CEACAM8: variants seen among roughly 807,000 people sequenced by gnomAD.
CEACAM8 encodes cell adhesion molecule CEACAM8.
CEACAM8 carries 31 observed loss-of-function variants against 33.4 expected under a neutral mutation model. That is an observed-to-expected ratio of 0.93 (90% CI 0.70 to 1.25). CEACAM8 has a LOEUF of 1.25. Ranked by LOEUF, CEACAM8 falls within the 50% of genes most tolerant of loss-of-function variation. CEACAM8 has a pLI of 0.00. For missense variants in CEACAM8, 388 were observed against 434.6 expected (o/e 0.89, Z 0.95); for synonymous variants, 138 against 164.5 (o/e 0.84, Z 1.23).
In CEACAM8 at chr19:42,588,938, C is replaced by T. The variant is rs759403051; in HGVS notation, c.804G>A (p.Gln268=). 12 of 1,614,022 alleles carry T rather than the reference C, an allele frequency of 7.4e-6. No homozygotes were observed. The Admixed American group carries it at 1.8e-4, about 25-fold the overall frequency. The part of the protein sequence containing the change: ...SCHAASNPPS[Q]YSWSVNGTFQ... ...ATGTGCCATTGACAGACCAAGAATA[C>T]TGTGAGGGTGGATTAGAGGCCGCAT... Residue 268 remains glutamine, a synonymous_variant, in exon 4 of 6, where the codon CAG becomes CAA. Transcript: ENST00000244336.
chr19:42,590,923 G>C (rs1423594226), intron 2 of CEACAM8, among the ~76,000 whole-genome samples: 1 of 152,132 alleles, frequency 6.6e-6, no homozygotes, highest in East Asian at 1.9e-4. Context: ...AAAGTGTTTT[G>C]AATTTCTAAC....
intron 4 of CEACAM8, among the ~76,000 whole-genome samples, chr19:42,586,073 T>C (rs2042332127): frequency 6.6e-6 from 1 of 152,110 alleles, no homozygotes; most frequent in Non-Finnish European, 1.5e-5. Flanking sequence ...TAGAAAACAT[T>C]GCTGAAGGAA....
intron 4 of CEACAM8, among the ~76,000 whole-genome samples, chr19:42,586,075 C>T (rs2042332193): frequency 6.6e-6 from 1 of 152,020 alleles, no homozygotes; most frequent in Admixed American, 6.6e-5. Context: ...GAAAACATTG[C>T]TGAAGGAAAT....
intron 2 of CEACAM8, among the ~76,000 whole-genome samples, chr19:42,592,371 G>A (rs977929866): frequency 7.2e-5 from 11 of 152,064 alleles, no homozygotes; most frequent in Non-Finnish European, 1.3e-4. Flanking sequence ...TTGGGAGGCC[G>A]AGGCAGGCGG....
chr19:42,593,913 G>C lies in CEACAM8; in HGVS notation c.65-13C>G. ...GTGAAAAGTGAGGCTAGGAGGGGGA[G>C]AGAGCATCAAGCAATATTGCAACAT... On this transcript the variant is annotated splice_polypyrimidine_tract_variant and intron_variant, in intron 1 of 5. Transcript: ENST00000244336. 1 of 1,562,644 alleles carries C rather than the reference G, an allele frequency of 6.4e-7. No individual in the cohort carries two copies. The highest frequency in any genetic ancestry group is 2.3e-5 in the East Asian group (1 of 44,348).
chr19:42,590,908 G>A (rs1157443781), intron 2 of CEACAM8, among the ~76,000 whole-genome samples: 2 of 152,138 alleles, frequency 1.3e-5, no homozygotes, highest in Admixed American at 1.3e-4. Context: ...TAAGGCTTAG[G>A]GCCAAAAGTG....
intron 4 of CEACAM8, among the ~76,000 whole-genome samples, chr19:42,583,654 A>G (rs556501317): frequency 6.6e-5 from 10 of 152,164 alleles, no homozygotes; most frequent in African/African-American, 2.2e-4. Flanking sequence ...CCACCTTTTC[A>G]TGGTTGCATC....
At chr19:42,584,966 A>C (rs1195006982) in intron 4 of CEACAM8, among the ~76,000 whole-genome samples, 1 of 152,232 alleles carries the variant, frequency 6.6e-6, no homozygotes, top group Non-Finnish European at 1.5e-5. Flanking sequence ...CTGACTAAGA[A>C]AAAAAGAGAC....
chr19:42,589,364 A>G, intron 3 of CEACAM8, 93 bp downstream of exon 3: 1 of 1,585,398 alleles, frequency 6.3e-7, no homozygotes, highest in Non-Finnish European at 8.6e-7. Flanking sequence ...GGGAATCTGC[A>G]TTTTTGGAGC....
At position 42,581,065 on chromosome 19, in the gene CEACAM8, G is replaced by T. The variant is rs2042251932; in HGVS notation, c.*329C>A. ...ACTGCACTCCAGCCTGGGCGACAGA[G>T]CGAGATTCCATCTCAAAAAAAAAAA... On this transcript the variant is annotated 3_prime_UTR_variant, in exon 6 of 6. Transcript: ENST00000244336. 7.0e-6 allele frequency: 1 copy of T among 142,928 alleles called. No individual in the cohort carries two copies. Among genetic ancestry groups the T allele is most frequent in the Non-Finnish European group, 1.5e-5 (1 of 66,612 alleles). 8.9% of individuals were successfully genotyped at this position (142,928 alleles called of 1,614,324 possible).
intron 4 of CEACAM8, among the ~76,000 whole-genome samples, chr19:42,584,710 C>T (rs555559340): frequency 2.6e-5 from 4 of 152,246 alleles, no homozygotes; most frequent in African/African-American, 7.2e-5. Flanking sequence ...GAATCTTGTG[C>T]AAGAAATTTA....
chr19:42,588,988 C>G lies in CEACAM8; in HGVS notation c.754G>C (p.Gly252Arg), dbSNP rs2042384213. The G allele has an allele frequency of 6.2e-7, 1 of 1,614,178 alleles. No homozygotes were observed. Among genetic ancestry groups the G allele is most frequent in the African/African-American group, 1.3e-5 (1 of 75,046 alleles). The change falls in exon 4 of 6, where the codon GGG (glycine) becomes CGG (arginine). Residue 252 changes from glycine (G) to arginine (R), a missense_variant. By Grantham distance (125) the Gly-to-Arg change is moderately radical. Coordinates refer to ENST00000244336, the MANE Select transcript of CEACAM8 (RefSeq NM_001816.4). ...ISPSDTYYHAGVNLNLSCHAA... is the reference protein window; with the variant it reads ...ISPSDTYYHARVNLNLSCHAA... ...TGGCAGGAGAGGTTGAGATTTACCC[C>G]TGCATGGTAATAGGTGTCTGAAGGG...
intron 1 of CEACAM8, among the ~76,000 whole-genome samples, chr19:42,594,267 G>A (rs1234693112): frequency 6.6e-6 from 1 of 152,150 alleles, no homozygotes; most frequent in Non-Finnish European, 1.5e-5. Context: ...TCACATTCTA[G>A]ATCTCTTTGT....
Position 42,593,789 on chromosome 19 carries a change from G to T in CEACAM8, c.176C>A (p.Pro59His), listed in dbSNP as rs564356781. The T allele has an allele frequency of 1.9e-5, 30 of 1,613,902 alleles. No individual in the cohort carries two copies. The highest frequency in any genetic ancestry group is 2.5e-5 in the Non-Finnish European group (29 of 1,180,018). The change falls in exon 2 of 6, where the codon CCC (proline) becomes CAC (histidine). Residue 59 changes from proline to histidine, a missense_variant. Physicochemically the swap from Pro to His is moderately conservative, Grantham distance 77. Coordinates refer to ENST00000244336, the MANE Select transcript of CEACAM8 (RefSeq NM_001816.4). Reference sequence around the variant, plus strand: ...CCAGTTGTAGCCACGAGGGTCCTGGGGCAGATTGTGGACAAGTAGAAGAAC... The same window carrying T: ...CCAGTTGTAGCCACGAGGGTCCTGGTGCAGATTGTGGACAAGTAGAAGAAC... ...KEVLLLVHNL[P>H]QDPRGYNWYK...
chr19:42,581,477 T>C (rs2042255803), intron 5 of CEACAM8, 124 bp from the exon 6 acceptor site: 1 of 152,232 alleles, frequency 6.6e-6, no homozygotes, highest in Non-Finnish European at 1.5e-5. Context: ...ACTGATAACA[T>C]ATTCGATTTC....
chr19:42,587,058 G>T (rs2042348515), intron 4 of CEACAM8, among the ~76,000 whole-genome samples: 1 of 152,078 alleles, frequency 6.6e-6, no homozygotes, highest in Admixed American at 6.6e-5. Flanking sequence ...CATTAGGATG[G>T]CTTTGATTAA....
In CEACAM8 at chr19:42,583,275, C is replaced by T. The variant is rs1243585964; in HGVS notation, c.1021G>A (p.Gly341Arg). ...SARATVSIMI[G>R]VLARVALI ...ATCAGAGCCACCCTGGCCAGTACTC[C>T]AATCATGATGCTGACAGTGGCTCTA... Residue 341 changes from glycine to arginine, a missense_variant, in exon 5 of 6, where the codon GGA becomes AGA. By Grantham distance (125) the Gly-to-Arg change is moderately radical (BLOSUM62 -2). Coordinates refer to ENST00000244336, the MANE Select transcript of CEACAM8 (RefSeq NM_001816.4). 1.9e-6 allele frequency: 3 copies of T among 1,613,062 alleles called. No individual in the cohort carries two copies. Among genetic ancestry groups the T allele is most frequent in the East Asian group, 2.2e-5 (1 of 44,868 alleles).
chr19:42,588,784 C>T lies in CEACAM8; in HGVS notation c.958G>A (p.Asp320Asn), dbSNP rs766761936. Reference sequence around the variant, plus strand: ...GCCAGTGCTCCAGGGATCCACTTACCAGAGACTGTGATCATCCTGACTGTG... The same window carrying T: ...GCCAGTGCTCCAGGGATCCACTTACTAGAGACTGTGATCATCCTGACTGTG... ...RTTVRMITVS[D>N]ALVQGSSPGL... The change falls in exon 4 of 6, where the codon GAT becomes AAT. Residue 320 changes from aspartate (D) to asparagine (N), a missense_variant and splice_region_variant. Asp to Asn is a conservative substitution (Grantham distance 23). Coordinates refer to ENST00000244336, the MANE Select transcript of CEACAM8 (RefSeq NM_001816.4). 42 of 1,613,960 alleles carry T rather than the reference C, an allele frequency of 2.6e-5. No individual in the cohort carries two copies. The East Asian group carries it at 8.9e-4, about 34-fold the overall frequency.
chr19:42,593,708 T>A lies in CEACAM8; in HGVS notation c.257A>T (p.Asn86Ile), dbSNP rs1157763113. 4 of 1,614,174 alleles carry A rather than the reference T, an allele frequency of 2.5e-6. No individual in the cohort carries two copies. The highest frequency in any genetic ancestry group is 3.4e-6 in the Non-Finnish European group (4 of 1,180,002). The change falls in exon 2 of 6, where the codon AAT becomes ATT. Residue 86 changes from asparagine to isoleucine, a missense_variant. Asn to Ile is a moderately radical substitution (Grantham distance 149, BLOSUM62 -3). Transcript: ENST00000244336. ...TGCAGGCCCTGGGGTAATCTGTTGATTTGATATTACATATCCTATAATTCG... is the reference window on the plus strand; with the variant it reads ...TGCAGGCCCTGGGGTAATCTGTTGAATTGATATTACATATCCTATAATTCG... ...NRRIIGYVIS[N>I]QQITPGPAYS...
Sources: gnomAD v4.1 joint callset for allele counts (sites outside exome capture counted in the v4.1 genomes callset) on GRCh38, gnomAD v4.1.1 for gene constraint, MANE v1.5 for transcripts, NCBI Gene and HGNC (gene_info 2026-07-23, HGNC 2026-07-21) for gene names.